The following CFAP54 variants were observed in gnomAD, a reference collection of about 807,000 sequenced individuals.
The protein encoded by CFAP54 is cilia- and flagella-associated protein 54.
In CFAP54, 290 loss-of-function variants were observed where a neutral mutation model predicts 370.4. That is an observed-to-expected ratio of 0.78 (90% CI 0.71 to 0.86). CFAP54 has a LOEUF of 0.86. Ranked by LOEUF, CFAP54 falls within the 40% of genes least tolerant of loss-of-function variation. The pLI is 0.00. For synonymous variants in CFAP54, 1,206 were observed against 1,236.5 expected (o/e 0.98, Z 0.52); for missense variants, 3,399 against 3,528.7 (o/e 0.96, Z 0.93).
At chr12:96,864,692 C>T (rs1652377899) in intron 67 of CFAP54, among the ~76,000 whole-genome samples, 1 of 152,140 alleles carries the variant, frequency 6.6e-6, no homozygotes, top group Admixed American at 6.6e-5. Context: ...TCCAGGTGCC[C>T]TGCTCATTTG....
intron 67 of CFAP54, among the ~76,000 whole-genome samples, chr12:96,864,762 G>A (rs924104678): frequency 6.6e-6 from 1 of 152,072 alleles, no homozygotes; most frequent in South Asian, 2.1e-4. Flanking sequence ...AACAGCCTTA[G>A]ACAGTAGCTC....
chr12:96,519,753 ATCT>A (rs1326811630), intron 6 of CFAP54, among the ~76,000 whole-genome samples: 2 of 152,238 alleles, frequency 1.3e-5, no homozygotes, highest in Non-Finnish European at 2.9e-5. Flanking sequence ...TAACATATTC[ATCT>A]TCTCACATAC....
chr12:96,866,894 T>G (rs570191690), intron 67 of CFAP54, among the ~76,000 whole-genome samples: 31 of 152,304 alleles, frequency 2.0e-4, no homozygotes, highest in African/African-American at 7.2e-4. Flanking sequence ...AGTATTGAGA[T>G]TCAAGTCAAC....
At chr12:96,754,315 A>G (rs1034028273) in intron 56 of CFAP54, among the ~76,000 whole-genome samples, 6 of 152,216 alleles carry the variant, frequency 3.9e-5, no homozygotes, top group Admixed American at 3.3e-4. Flanking sequence ...AATTAAATAG[A>G]TATAGCACAC....
intron 26 of CFAP54, among the ~76,000 whole-genome samples, chr12:96,617,707 G>T (rs1200172580): frequency 2.0e-5 from 3 of 152,058 alleles, no homozygotes; most frequent in African/African-American, 7.2e-5. Context: ...ATATTTATCT[G>T]CGGGCGGGGC....
intron 63 of CFAP54, among the ~76,000 whole-genome samples, chr12:96,797,535 T>C (rs1308762772): frequency 6.6e-6 from 1 of 152,154 alleles, no homozygotes; most frequent in Admixed American, 6.5e-5. Context: ...GATTGATAGC[T>C]GTTATATCAT....
chr12:96,811,725 T>C lies in CFAP54; in HGVS notation c.8851-11T>C. On this transcript the variant is annotated splice_polypyrimidine_tract_variant and intron_variant, in intron 63 of 67. Transcript: ENST00000524981. The stretch of plus-strand genomic sequence containing the variant: ...ATGTCACATTTTATACCCCTTTTAT[T>C]TTTCTTATAGGTTTTATTGTTGTAT... 7.1e-7 allele frequency: 1 copy of C among 1,398,920 alleles called. No homozygotes were observed. Among genetic ancestry groups the C allele is most frequent in the Non-Finnish European group, 9.5e-7 (1 of 1,054,106 alleles). 86.7% of individuals were successfully genotyped at this position (1,398,920 alleles called of 1,614,324 possible). A position where few individuals can be genotyped will look rare whatever the true frequency, so the allele number is the denominator to read the frequency against.
intron 66 of CFAP54, among the ~76,000 whole-genome samples, chr12:96,855,872 C>T (rs1445272346): frequency 8.5e-5 from 13 of 152,196 alleles, no homozygotes; most frequent in Admixed American, 3.9e-4. Context: ...TGTATGGGAG[C>T]TCTGACCCTA....
In CFAP54 at chr12:96,706,022, T is replaced by C. The variant is rs117673279; in HGVS notation, c.6528+1226T>C. Among the ~76,000 whole-genome samples the C allele has an allele frequency of 4.7e-4, 72 of 152,212 alleles. 4 individuals carry two copies. In the East Asian group the frequency reaches 0.014, roughly 29 times the overall value. On this transcript the variant is annotated intron_variant, in intron 47 of 67. Transcript: ENST00000524981. ...AGATAGCCCCAACATCTGCCTTATGTATTAATTCAACAACAAAATCAAGAG... is the reference window on the plus strand; with the variant it reads ...AGATAGCCCCAACATCTGCCTTATGCATTAATTCAACAACAAAATCAAGAG...
At chr12:96,826,881 TATA>T (rs1332277571) in intron 65 of CFAP54, among the ~76,000 whole-genome samples, 24 of 121,774 alleles carry the variant, frequency 2.0e-4, no homozygotes, top group African/African-American at 4.7e-4. Context: ...TGATATATTA[TATA>T]ATATTATATG....
rs370500308 is a variant in CFAP54, at chr12:96,688,909, T to C, written c.6015-7T>C. On this transcript the variant is annotated splice_polypyrimidine_tract_variant and splice_region_variant and intron_variant, in intron 42 of 67. Transcript: ENST00000524981. The stretch of plus-strand genomic sequence containing the variant: ...CTAATCAATTTTTTTTTCTTATACT[T>C]ACTTAGATTTATTAAGTCATTGAAT... 8 of 1,543,266 alleles carry C rather than the reference T, an allele frequency of 5.2e-6. No homozygotes were observed. The highest frequency in any genetic ancestry group is 1.4e-5 in the African/African-American group (1 of 71,766).
chr12:96,600,801 A>G (rs1411526410), intron 26 of CFAP54, among the ~76,000 whole-genome samples: 3 of 152,188 alleles, frequency 2.0e-5, no homozygotes, highest in Non-Finnish European at 2.9e-5. Flanking sequence ...ATTTTTGCAC[A>G]TTGATTTTGT....
intron 20 of CFAP54, 40 bp downstream of exon 20, chr12:96,576,801 CAT>C: frequency 6.9e-7 from 1 of 1,448,580 alleles, no homozygotes; most frequent in South Asian, 1.3e-5. Context: ...TGCAAAGCAA[CAT>C]AAGTACTTTT....
In CFAP54 at chr12:96,802,988, C is replaced by T. The variant is rs556996165; in HGVS notation, c.8851-8748C>T. On this transcript the variant is annotated intron_variant, in intron 63 of 67. Coordinates refer to ENST00000524981, the MANE Select transcript of CFAP54 (RefSeq NM_001306084.2). ...AAATGGTTTCCAACTTCATCCATGT[C>T]CCTGCAAAGGACATGAACTCATTCT... Among the ~76,000 whole-genome samples the T allele has an allele frequency of 1.3e-4, 20 of 152,264 alleles. No homozygotes were observed. The South Asian group carries it at 4.2e-3, about 32-fold the overall frequency.
intron 40 of CFAP54, among the ~76,000 whole-genome samples, chr12:96,683,411 C>A (rs1815441458): frequency 6.6e-6 from 1 of 152,284 alleles, no homozygotes; most frequent in East Asian, 1.9e-4. Flanking sequence ...AAGTCCTGAG[C>A]AAAACAAAGT....
chr12:96,722,691 G>T (rs936460730), intron 50 of CFAP54, among the ~76,000 whole-genome samples: 2 of 152,244 alleles, frequency 1.3e-5, no homozygotes, highest in African/African-American at 2.4e-5. Context: ...GAGGAAAAGG[G>T]TGTGAAAGCA....
intron 24 of CFAP54, among the ~76,000 whole-genome samples, chr12:96,594,062 TG>T (rs1254546319): frequency 6.6e-6 from 1 of 152,172 alleles, no homozygotes; most frequent in Non-Finnish European, 1.5e-5. Context: ...GTTTCTGTTA[TG>T]GCACTTGTAT....
Position 96,743,779 on chromosome 12 carries a change from C to T in CFAP54, c.7426C>T (p.Arg2476Trp), listed in dbSNP as rs111287403. 1.6e-3 allele frequency: 2,592 copies of T among 1,613,572 alleles called. 33 individuals are homozygous for T. The African/African-American group carries it at 0.028, about 17-fold the overall frequency. ...AAATGAATTTATTTCTCCTCAATCA[C>T]GGCTAACCCTGGCAAGAAGCCTAGT... ...EGNEFISPQS[R>W]LTLARSLVLL... is the part of the protein sequence containing the mutation. Residue 2476 changes from arginine (R) to tryptophan (W), a missense_variant, in exon 54 of 68, where the codon CGG (arginine) becomes TGG (tryptophan). Around this residue, in one of 3 missense-constraint regions of CFAP54, gnomAD observed 2,796 missense variants for 2,869.7 expected, o/e 0.97. Transcript: ENST00000524981.
chr12:96,582,375 G>T (rs943131609), intron 22 of CFAP54, among the ~76,000 whole-genome samples: 1 of 152,094 alleles, frequency 6.6e-6, no homozygotes, highest in Non-Finnish European at 1.5e-5. Context: ...TGACTGTAGA[G>T]CTGATGGCTT....
Sources: gnomAD v4.1 joint callset for allele counts (sites outside exome capture counted in the v4.1 genomes callset) on GRCh38, gnomAD v4.1.1 for gene constraint, gnomAD v4.1.1 regional missense constraint, MANE v1.5 for transcripts, NCBI Gene and HGNC (gene_info 2026-07-23, HGNC 2026-07-21) for gene names.